CRY1: variants seen among roughly 807,000 people sequenced by gnomAD.
The protein encoded by CRY1 is cryptochrome-1.
CRY1 carries 45 observed loss-of-function variants against 76.0 expected under a neutral mutation model. That is an observed-to-expected ratio of 0.59 (90% CI 0.47 to 0.76). The LOEUF is 0.76. Ranked by LOEUF, CRY1 falls within the 30% of genes least tolerant of loss-of-function variation. CRY1 has a pLI of 0.00. For synonymous variants in CRY1, 248 were observed against 244.0 expected, an observed-to-expected ratio of 1.02 and a Z score of -0.15; for missense variants, 587 against 716.4, an observed-to-expected ratio of 0.82 and a Z score of 2.06.
chr12:107,009,603 A>ATATAT (rs1566245681), intron 2 of CRY1, among the ~76,000 whole-genome samples: 147 of 7,726 alleles, frequency 0.019, 1 homozygote, highest in African/African-American at 0.041. Flanking sequence ...TATATATATA[A>ATATAT]AATCTCTATA....
rs138108095 is a variant in CRY1, at chr12:106,998,154, G to T, written c.1138-88C>A. The T allele has an allele frequency of 5.6e-5, 82 of 1,455,252 alleles. 1 individual carries two copies. The East Asian group carries it at 5.9e-4, about 10-fold the overall frequency. The allele number at this position is 1,455,252 out of a possible 1,614,324, so 90.1% of individuals were successfully genotyped here. A position where few individuals can be genotyped will look rare whatever the true frequency, so the allele number is the denominator to read the frequency against. ...AGGTCACAGTAGAGCCAAAGTCAAG[G>T]CAAAGAAAATCTAGCACAGAATTGT... is the stretch of plus-strand genomic sequence containing the variant. On this transcript the variant is annotated intron_variant, in intron 7 of 12. Coordinates refer to ENST00000008527, the MANE Select transcript of CRY1 (RefSeq NM_004075.5).
At position 107,031,256 on chromosome 12, in the gene CRY1, C is replaced by T. The variant is rs187279999; in HGVS notation, c.159-9064G>A. 3.5e-3 allele frequency among the ~76,000 whole-genome samples: 532 copies of T among 152,220 alleles called. 2 individuals are homozygous for T. The highest frequency in any genetic ancestry group is 5.9e-3 in the Non-Finnish European group (404 of 68,022). ...GAGCCCTGAGAACTCTGAGCTTCAT[C>T]TGGGTTGAAGAGGACAGGAGATAAA... On this transcript the variant is annotated intron_variant, in intron 1 of 12. Transcript: ENST00000008527.
intron 1 of CRY1, among the ~76,000 whole-genome samples, chr12:107,081,155 G>C (rs918793748): frequency 6.6e-6 from 1 of 151,984 alleles, no homozygotes; most frequent in African/African-American, 2.4e-5. Flanking sequence ...TTATAGATTT[G>C]GTTACTGAAA....
At chr12:107,012,292 A>G (rs1952453550) in intron 2 of CRY1, among the ~76,000 whole-genome samples, 1 of 152,246 alleles carries the variant, frequency 6.6e-6, no homozygotes, top group South Asian at 2.1e-4. Context: ...TTTAAGTTGA[A>G]GCCAATTCTC....
At chr12:106,999,043 C>CA (rs778236677) in intron 7 of CRY1, among the ~76,000 whole-genome samples, 2,215 of 51,684 alleles carry the variant, frequency 0.043, 115 homozygotes, top group African/African-American at 0.11. Flanking sequence ...GACTCCGTCT[C>CA]AAAAAAAAAA....
At chr12:107,004,367 AATAC>A in intron 3 of CRY1, among the ~76,000 whole-genome samples, 1 of 152,236 alleles carries the variant, frequency 6.6e-6, no homozygotes, top group East Asian at 1.9e-4. Flanking sequence ...AACTTGATAA[AATAC>A]ATAAATTACT....
At position 107,030,479 on chromosome 12, in the gene CRY1, GAACAT is replaced by G. The variant is rs1194187907; in HGVS notation, c.159-8292_159-8288del. 3.3e-5 allele frequency among the ~76,000 whole-genome samples: 5 copies of G among 152,222 alleles called. No homozygotes were observed. In the South Asian group the frequency reaches 8.3e-4, roughly 25 times the overall value. On this transcript the variant is annotated intron_variant, in intron 1 of 12. Coordinates refer to ENST00000008527, the MANE Select transcript of CRY1 (RefSeq NM_004075.5). The stretch of plus-strand genomic sequence containing the variant: ...AGGAAAATTAATTTGACAGCTTTAA[GAACAT>G]AACAATGACTAGTATACAGTTTTTG...
At chr12:107,063,752 C>A (rs1363843120) in intron 1 of CRY1, among the ~76,000 whole-genome samples, 1 of 152,156 alleles carries the variant, frequency 6.6e-6, no homozygotes, top group Non-Finnish European at 1.5e-5. Context: ...CATGCACCAC[C>A]ACGCCCAGCT....
intron 7 of CRY1, among the ~76,000 whole-genome samples, chr12:106,998,658 A>AC (rs1593492160): frequency 3.7e-5 from 4 of 108,326 alleles, no homozygotes; most frequent in Middle Eastern, 4.7e-3. Context: ...ATAAGAGATT[A>AC]AACACACACA....
At chr12:107,027,064 A>G (rs1270846872) in intron 1 of CRY1, among the ~76,000 whole-genome samples, 1 of 152,188 alleles carries the variant, frequency 6.6e-6, no homozygotes, top group Non-Finnish European at 1.5e-5. Context: ...GCCCAGGTTC[A>G]AAGTATCAAC....
At chr12:107,067,272 G>A (rs1228734442) in intron 1 of CRY1, among the ~76,000 whole-genome samples, 3 of 152,072 alleles carry the variant, frequency 2.0e-5, no homozygotes, top group African/African-American at 7.3e-5. Context: ...AATATTAACT[G>A]TCTAACTCTT....
Position 107,022,126 on chromosome 12 carries a change from C to A in CRY1, c.225G>T (p.Val75=). 6.2e-7 allele frequency: 1 copy of A among 1,604,250 alleles called. No homozygotes were observed. Among genetic ancestry groups the A allele is most frequent in the South Asian group, 1.1e-5 (1 of 89,238 alleles). ...ACACATCTGCTGGTTGTCCACGAAT[C>A]ACAAACAGACGGGAGTTTAATTTTC... ...NLRKLNSRLF[V]IRGQPADVFP... The change falls in exon 2 of 13, where the codon GTG becomes GTT. Residue 75 remains valine (V), a synonymous_variant. Transcript: ENST00000008527.
chr12:107,036,632 G>C (rs1952735978), intron 1 of CRY1, among the ~76,000 whole-genome samples: 1 of 150,862 alleles, frequency 6.6e-6, no homozygotes, highest in Admixed American at 6.6e-5. Context: ...AGGTCCTACA[G>C]AACGAACCCG....
intron 1 of CRY1, among the ~76,000 whole-genome samples, chr12:107,089,592 T>A (rs1467868957): frequency 6.6e-6 from 1 of 152,220 alleles, no homozygotes; most frequent in Non-Finnish European, 1.5e-5. Flanking sequence ...TTAGGTAGAA[T>A]ACTATTTAAA....
chr12:107,009,563 C>CATATATATATATATATAT (rs869185018), intron 2 of CRY1, among the ~76,000 whole-genome samples: 95 of 90,820 alleles, frequency 1.0e-3, no homozygotes, highest in South Asian at 1.4e-3. Flanking sequence ...AACAAAAAAA[C>CATATATATATATATATAT]ATATATATAT....
intron 1 of CRY1, among the ~76,000 whole-genome samples, chr12:107,040,071 T>C (rs1952780342): frequency 6.6e-6 from 1 of 152,134 alleles, no homozygotes; most frequent in South Asian, 2.1e-4. Flanking sequence ...CTTGAGGACA[T>C]TATGCTAAGT....
At chr12:107,078,392 C>T (rs1170220923) in intron 1 of CRY1, among the ~76,000 whole-genome samples, 1 of 152,128 alleles carries the variant, frequency 6.6e-6, no homozygotes, top group East Asian at 1.9e-4. Flanking sequence ...TCCTGTAGTG[C>T]AAGGTAAAAT....
At chr12:107,021,587 T>C (rs542404632) in intron 2 of CRY1, among the ~76,000 whole-genome samples, 33 of 152,296 alleles carry the variant, frequency 2.2e-4, no homozygotes, top group Non-Finnish European at 4.3e-4. Context: ...CCAAAAGATA[T>C]GGTTATGTGA....
At chr12:107,025,742 T>A (rs1230574168) in intron 1 of CRY1, among the ~76,000 whole-genome samples, 3 of 152,146 alleles carry the variant, frequency 2.0e-5, no homozygotes, top group Admixed American at 2.0e-4. Flanking sequence ...CAGATCTTCA[T>A]GAGGCACACC....
Sources: allele counts gnomAD v4.1 joint callset (sites outside exome capture counted in the v4.1 genomes callset), GRCh38; gene constraint gnomAD v4.1.1; transcripts MANE v1.5; gene names NCBI Gene and HGNC (gene_info 2026-07-23, HGNC 2026-07-21).